The following ELMO1 variants were observed in gnomAD, a reference collection of about 807,000 sequenced individuals.
ELMO1 encodes the protein engulfment and cell motility 1, also known as engulfment and cell motility protein 1.
ELMO1 carries 26 observed loss-of-function variants against 98.9 expected under a neutral mutation model. The ratio of observed to expected loss-of-function variants is 0.26; its 90% confidence interval spans 0.19 to 0.36. The LOEUF (loss-of-function observed/expected upper bound fraction) is 0.36. Ranked by LOEUF, ELMO1 falls within the 10% of genes least tolerant of loss-of-function variation. The probability of loss-of-function intolerance (pLI) is 1.00; values close to 1 mark genes in which losing one functional copy is unlikely to be tolerated. For synonymous variants in ELMO1, 346 were observed against 346.0 expected (o/e 1.00, Z 0.00); for missense variants, 627 against 935.2 (o/e 0.67, Z 4.30).
intron 13 of ELMO1, among the ~76,000 whole-genome samples, chr7:37,143,971 A>G (rs1255229123): frequency 6.6e-6 from 1 of 152,050 alleles, no homozygotes; most frequent in Non-Finnish European, 1.5e-5. Context: ...TTGGCCTCCC[A>G]AAGTGCTGGG....
At chr7:37,447,731 C>CACAG (rs1229286073) in intron 1 of ELMO1, among the ~76,000 whole-genome samples, 1 of 150,804 alleles carries the variant, frequency 6.6e-6, no homozygotes, top group Non-Finnish European at 1.5e-5. Flanking sequence ...CACACACACA[C>CACAG]ACACACACAC....
chr7:37,300,948 C>T (rs1436410916), intron 4 of ELMO1, among the ~76,000 whole-genome samples: 1 of 152,006 alleles, frequency 6.6e-6, no homozygotes, highest in Non-Finnish European at 1.5e-5. Flanking sequence ...ATTTCAGCTC[C>T]TGTTATTGGT....
chr7:36,885,295 A>G (rs1166804716), intron 18 of ELMO1, among the ~76,000 whole-genome samples: 7 of 150,506 alleles, frequency 4.7e-5, no homozygotes, highest in African/African-American at 1.7e-4. Context: ...GGAAAAATTT[A>G]TAGATACGGG....
At chr7:37,423,655 T>C (rs1804579664) in intron 1 of ELMO1, among the ~76,000 whole-genome samples, 1 of 152,154 alleles carries the variant, frequency 6.6e-6, no homozygotes, top group South Asian at 2.1e-4. Flanking sequence ...AAACATTGAT[T>C]CTTATTTTTT....
intron 16 of ELMO1, among the ~76,000 whole-genome samples, chr7:36,897,245 G>A (rs981350258): frequency 5.9e-5 from 9 of 151,978 alleles, no homozygotes; most frequent in African/African-American, 2.2e-4. Context: ...CAAATTGAGA[G>A]CTGTGAGACT....
At chr7:37,414,575 G>A (rs1804133502) in intron 1 of ELMO1, among the ~76,000 whole-genome samples, 1 of 152,194 alleles carries the variant, frequency 6.6e-6, no homozygotes, top group Non-Finnish European at 1.5e-5. Context: ...GGGGGAATCT[G>A]CCCTGTGGCC....
At chr7:37,229,438 C>T (rs1324687901) in intron 8 of ELMO1, among the ~76,000 whole-genome samples, 2 of 151,718 alleles carry the variant, frequency 1.3e-5, no homozygotes, top group Non-Finnish European at 2.9e-5. Context: ...ATTTGTAAAC[C>T]AGAATCTAGA....
intron 14 of ELMO1, among the ~76,000 whole-genome samples, chr7:37,121,216 G>T (rs527831605): frequency 6.6e-6 from 1 of 151,892 alleles, no homozygotes; most frequent in Non-Finnish European, 1.5e-5. Context: ...AAATCAGAGC[G>T]CCTCTCCTCC....
At chr7:37,130,006 C>T (rs1183364573) in intron 14 of ELMO1, among the ~76,000 whole-genome samples, 1 of 152,186 alleles carries the variant, frequency 6.6e-6, no homozygotes, top group East Asian at 1.9e-4. Flanking sequence ...TGAGGTAGTA[C>T]TCTCCATCTC....
At chr7:37,336,171 A>G (rs919390501) in intron 2 of ELMO1, among the ~76,000 whole-genome samples, 4 of 151,864 alleles carry the variant, frequency 2.6e-5, no homozygotes, top group Non-Finnish European at 4.4e-5. Flanking sequence ...GGTTGCAGTG[A>G]GCTTTGATTG....
At chr7:37,033,445 T>C (rs749995546) in intron 15 of ELMO1, 3 of 455,320 alleles carry the variant, frequency 6.6e-6, no homozygotes, top group Non-Finnish European at 8.8e-6. Flanking sequence ...TCATAAATGT[T>C]GAGCGAAAAT....
chr7:36,916,872 C>T (rs2129070801), intron 16 of ELMO1, among the ~76,000 whole-genome samples: 1 of 152,370 alleles, frequency 6.6e-6, no homozygotes, highest in East Asian at 1.9e-4. Flanking sequence ...AGAGGAAGGA[C>T]TGGTTTACAG....
intron 3 of ELMO1, 24 bp from the exon 4 acceptor site, chr7:37,314,946 A>G: frequency 6.3e-7 from 1 of 1,594,100 alleles, no homozygotes; most frequent in Non-Finnish European, 8.5e-7. Context: ...GCGTATACTG[A>G]TTAGAAAAAT....
chr7:36,876,663 G>A (rs1211777733), intron 19 of ELMO1, among the ~76,000 whole-genome samples: 1 of 152,100 alleles, frequency 6.6e-6, no homozygotes, highest in Non-Finnish European at 1.5e-5. Flanking sequence ...GATGTTCCAG[G>A]GACCACGTTT....
intron 13 of ELMO1, among the ~76,000 whole-genome samples, chr7:37,159,183 A>C (rs1789017981): frequency 6.6e-6 from 1 of 152,178 alleles, no homozygotes; most frequent in Non-Finnish European, 1.5e-5. Flanking sequence ...GGATAGCATT[A>C]GGAGAAATAC....
intron 1 of ELMO1, among the ~76,000 whole-genome samples, chr7:37,413,175 C>G (rs1804066174): frequency 6.6e-6 from 1 of 151,564 alleles, no homozygotes; most frequent in African/African-American, 2.4e-5. Context: ...AACATTTAGG[C>G]TCAAGATTCT....
Position 36,855,471 on chromosome 7 carries a change from G to A in ELMO1, c.*80C>T, listed in dbSNP as rs1170801812. On this transcript the variant is annotated 3_prime_UTR_variant, in exon 22 of 22. Coordinates refer to ENST00000310758, the MANE Select transcript of ELMO1 (RefSeq NM_014800.11). This position sits in a 1 kb window ranked among gnomAD's most constrained non-coding sequence, Gnocchi z 4.2. Reference sequence around the variant, plus strand: ...TCCCTTTACCAAAGGACGGTTCCAAGGCGTGGGTGTGTTTTCATTCCTCTC... The same window carrying A: ...TCCCTTTACCAAAGGACGGTTCCAAAGCGTGGGTGTGTTTTCATTCCTCTC... 3.2e-6 allele frequency: 5 copies of A among 1,564,278 alleles called. 1 individual carries two copies. The African/African-American group carries it at 4.1e-5, about 13-fold the overall frequency.
At position 36,870,305 on chromosome 7, in the gene ELMO1, A is replaced by C. The variant is rs925123824; in HGVS notation, c.1905+88T>G. 8.7e-7 allele frequency: 1 copy of C among 1,151,716 alleles called. No homozygotes were observed. The highest frequency in any genetic ancestry group is 1.5e-5 in the African/African-American group (1 of 65,770). 71.3% of individuals were successfully genotyped at this position (1,151,716 alleles called of 1,614,324 possible). A position where few individuals can be genotyped will look rare whatever the true frequency, so the allele number is the denominator to read the frequency against. Reference sequence around the variant, plus strand: ...GTGTCTGAACACACGCACACACACGAACACTGCTATAAAGGAGGGCTAGGC... The same window carrying C: ...GTGTCTGAACACACGCACACACACGCACACTGCTATAAAGGAGGGCTAGGC... On this transcript the variant is annotated intron_variant, in intron 20 of 21. Transcript: ENST00000310758. This position sits in a 1 kb window ranked among gnomAD's most constrained non-coding sequence, Gnocchi z 4.4.
chr7:37,067,326 A>G (rs887893352), intron 15 of ELMO1, among the ~76,000 whole-genome samples: 3 of 152,210 alleles, frequency 2.0e-5, no homozygotes, highest in African/African-American at 7.2e-5. Flanking sequence ...CAGTCCACAC[A>G]TATGTGCTGA....
Sources: allele counts gnomAD v4.1 joint callset (sites outside exome capture counted in the v4.1 genomes callset), GRCh38; gene constraint gnomAD v4.1.1; non-coding constraint Gnocchi (gnomAD v3.1); transcripts MANE v1.5; gene names NCBI Gene and HGNC (gene_info 2026-07-23, HGNC 2026-07-21).